DCLK2: variants seen among roughly 807,000 people sequenced by gnomAD.
DCLK2 encodes serine/threonine-protein kinase DCLK2.
Under a neutral mutation model 78.4 loss-of-function variants are expected in DCLK2, and 31 were observed. That is an observed-to-expected ratio of 0.40 (90% confidence interval 0.30 to 0.53). The LOEUF (loss-of-function observed/expected upper bound fraction) is 0.53, where lower values mean the gene tolerates loss of function less well. Ranked by LOEUF, DCLK2 falls within the 20% of genes least tolerant of loss-of-function variation. The pLI, the probability that DCLK2 is intolerant of heterozygous loss-of-function variation, is 0.61. For missense variants in DCLK2, 872 were observed against 973.7 expected, an observed-to-expected ratio of 0.90 and a Z score of 1.39; for synonymous variants, 407 against 374.9, an observed-to-expected ratio of 1.09 and a Z score of -0.99.
intron 2 of DCLK2, among the ~76,000 whole-genome samples, chr4:150,109,584 G>A (rs973927019): frequency 6.6e-6 from 1 of 152,100 alleles, no homozygotes; most frequent in Non-Finnish European, 1.5e-5. Flanking sequence ...TGTTCCGCCC[G>A]CCTCGGCCTC....
intron 2 of DCLK2, among the ~76,000 whole-genome samples, chr4:150,169,069 G>A (rs760846622): frequency 1.0e-4 from 15 of 147,746 alleles, no homozygotes; most frequent in Non-Finnish European, 1.9e-4. Flanking sequence ...GTAATTCCTT[G>A]TGTTTCTGTT....
intron 1 of DCLK2, among the ~76,000 whole-genome samples, chr4:150,083,179 G>T (rs994704417): frequency 2.6e-5 from 4 of 152,168 alleles, no homozygotes; most frequent in Non-Finnish European, 5.9e-5. Context: ...CGATGAGGCT[G>T]CACATGTCCA....
At chr4:150,187,893 C>A (rs9997489) in intron 2 of DCLK2, among the ~76,000 whole-genome samples, 1 of 151,060 alleles carries the variant, frequency 6.6e-6, no homozygotes, top group Admixed American at 6.6e-5. Context: ...TCTGCCTCCC[C>A]GGTTCAAGCG....
At chr4:150,100,198 G>A (rs1345908241) in intron 1 of DCLK2, among the ~76,000 whole-genome samples, 2 of 152,134 alleles carry the variant, frequency 1.3e-5, no homozygotes, top group African/African-American at 4.8e-5. Flanking sequence ...CAGGCATGAG[G>A]CACCATGCCC....
intron 2 of DCLK2, among the ~76,000 whole-genome samples, chr4:150,175,032 ATTTATATATATT>A (rs1315064132): frequency 4.3e-5 from 2 of 46,748 alleles, no homozygotes; most frequent in Non-Finnish European, 8.5e-5. Flanking sequence ...ATATATATAT[ATTTATATATATT>A]TATATATTTA....
chr4:150,237,907 T>A (rs1440752718), intron 10 of DCLK2, among the ~76,000 whole-genome samples: 1 of 152,214 alleles, frequency 6.6e-6, no homozygotes, highest in East Asian at 1.9e-4. Context: ...TGAAATTCCA[T>A]GTTTTCAAAA....
At chr4:150,239,963 TAAG>T (rs1742789499) in intron 11 of DCLK2, 88 bp downstream of exon 11, 2 of 1,461,528 alleles carry the variant, frequency 1.4e-6, no homozygotes, top group East Asian at 4.8e-5. Flanking sequence ...ATACAGTTGG[TAAG>T]AAAGGTCTGT....
intron 1 of DCLK2, among the ~76,000 whole-genome samples, chr4:150,088,064 A>G (rs954338470): frequency 2.6e-5 from 4 of 152,248 alleles, no homozygotes; most frequent in South Asian, 4.1e-4. Context: ...CTGAGCCCCA[A>G]CAGATGCAGT....
At chr4:150,116,332 C>G (rs1300585099) in intron 2 of DCLK2, among the ~76,000 whole-genome samples, 5 of 152,200 alleles carry the variant, frequency 3.3e-5, no homozygotes, top group Non-Finnish European at 7.3e-5. Context: ...AGCACCAGGG[C>G]TTCCTGGCTG....
At chr4:150,172,923 T>G (rs1736663950) in intron 2 of DCLK2, among the ~76,000 whole-genome samples, 1 of 152,162 alleles carries the variant, frequency 6.6e-6, no homozygotes, top group African/African-American at 2.4e-5. Flanking sequence ...TTCTTAACCC[T>G]GTACTACATT....
intron 4 of DCLK2, chr4:150,199,020 G>T (rs1433177966): frequency 1.3e-6 from 2 of 1,586,924 alleles, no homozygotes; most frequent in East Asian, 2.3e-5. Flanking sequence ...TATACTGCAT[G>T]TGTACAGTAA....
At chr4:150,187,446 A>T (rs1218805351) in intron 2 of DCLK2, among the ~76,000 whole-genome samples, 3 of 152,172 alleles carry the variant, frequency 2.0e-5, no homozygotes, top group Non-Finnish European at 4.4e-5. Flanking sequence ...ACAGATATTC[A>T]TGTGACTTGC....
rs1006950119 is a variant in DCLK2, at chr4:150,256,348, C to A, written c.*101C>A. The A allele has an allele frequency of 7.0e-7, 1 of 1,420,168 alleles. No individual in the cohort carries two copies. The highest frequency in any genetic ancestry group is 9.2e-7 in the Non-Finnish European group (1 of 1,086,296). The allele number at this position is 1,420,168 out of a possible 1,614,324, so 88.0% of individuals were successfully genotyped here. ...GCTGCAGGCCTCCCTCTCTTCACCG[C>A]CTGCGCCTGAGTTCGCGGGTCCTCC... On this transcript the variant is annotated 3_prime_UTR_variant, in exon 16 of 16. Coordinates refer to ENST00000296550, the MANE Select transcript of DCLK2 (RefSeq NM_001040260.4).
chr4:150,149,448 G>C (rs1312129994), intron 2 of DCLK2, among the ~76,000 whole-genome samples: 2 of 152,156 alleles, frequency 1.3e-5, no homozygotes, highest in East Asian at 1.9e-4. Flanking sequence ...AGTAGTCTAT[G>C]AGTCCTGGGC....
At chr4:150,175,092 A>AATTTATGTATAT (rs1736919639) in intron 2 of DCLK2, among the ~76,000 whole-genome samples, 7 of 57,622 alleles carry the variant, frequency 1.2e-4, no homozygotes, top group African/African-American at 4.8e-4. Context: ...TTATATATAT[A>AATTTATGTATAT]TTTATATATA....
chr4:150,163,155 T>G (rs1191811007), intron 2 of DCLK2, among the ~76,000 whole-genome samples: 1 of 152,090 alleles, frequency 6.6e-6, no homozygotes, highest in East Asian at 1.9e-4. Flanking sequence ...TCCAGCACTT[T>G]GGGAGGCTGA....
At chr4:150,090,423 A>AAAAAC (rs140436858) in intron 1 of DCLK2, among the ~76,000 whole-genome samples, 16 of 151,480 alleles carry the variant, frequency 1.1e-4, no homozygotes, top group Non-Finnish European at 1.8e-4. Flanking sequence ...AAATAATGAT[A>AAAAAC]AAAACAAAAC....
chr4:150,227,377 A>C (rs150313281), intron 8 of DCLK2, among the ~76,000 whole-genome samples: 3 of 152,372 alleles, frequency 2.0e-5, no homozygotes, highest in African/African-American at 7.2e-5. Flanking sequence ...TGTATAAATT[A>C]ATACCAGTTC....
chr4:150,079,597 G>C (rs1473094146), intron 1 of DCLK2, 149 bp downstream of exon 1: 2 of 776,446 alleles, frequency 2.6e-6, no homozygotes, highest in Non-Finnish European at 3.9e-6. Context: ...TTGGCTGGGG[G>C]TGGGGGCCGG....
Sources: gnomAD v4.1 joint callset for allele counts (sites outside exome capture counted in the v4.1 genomes callset) on GRCh38, gnomAD v4.1.1 for gene constraint, MANE v1.5 for transcripts, NCBI Gene and HGNC (gene_info 2026-07-23, HGNC 2026-07-21) for gene names.